SAP18: variants seen among roughly 807,000 people sequenced by gnomAD.
The protein encoded by SAP18 is Sin3A associated protein 18.
Under a neutral mutation model 18.6 loss-of-function variants are expected in SAP18, and 4 were observed. The observed-to-expected ratio is 0.21, with a 90% CI of 0.11 to 0.49. SAP18 has a LOEUF of 0.49. Ranked by LOEUF, SAP18 falls within the 20% of genes least tolerant of loss-of-function variation. The pLI is 0.98. For missense variants in SAP18, 170 were observed against 226.4 expected (o/e 0.75, Z 1.60); for synonymous variants, 112 against 82.8 (o/e 1.35, Z -1.92).
chr13:21,140,690 C>T lies in SAP18; in HGVS notation c.129+9C>T, dbSNP rs775250865. ...CGATCGACCGCGAGAAGGTGAAGGC[C>T]CCCTCCGCTTTGGGGTCCGGGAAGA... On this transcript the variant is annotated intron_variant, in intron 1 of 3. Transcript: ENST00000621421. 3.1e-6 allele frequency: 5 copies of T among 1,609,300 alleles called. No individual in the cohort carries two copies. Among genetic ancestry groups the T allele is most frequent in the Non-Finnish European group, 8.5e-7 (1 of 1,177,442 alleles).
In SAP18 at chr13:21,141,011, T is replaced by A; in HGVS notation, c.239+16T>A. ...TCTACACTTGGTGAGGAGGGCGGGG[T>A]GGCCTCAGGGACCCGGGCCGGGAAC... On this transcript the variant is annotated intron_variant, in intron 2 of 3. Transcript: ENST00000621421. 6.4e-7 allele frequency: 1 copy of A among 1,551,702 alleles called. No homozygotes were observed. The highest frequency in any genetic ancestry group is 8.9e-7 in the Non-Finnish European group (1 of 1,124,012).
intron 2 of SAP18, among the ~76,000 whole-genome samples, chr13:21,145,553 C>G (rs151172458): frequency 1.3e-5 from 2 of 152,130 alleles, no homozygotes; most frequent in Admixed American, 6.5e-5. Flanking sequence ...GTCACCCAGG[C>G]TGGAGCACAG....
intron 3 of SAP18, 54 bp from the exon 4 acceptor site, chr13:21,147,132 C>T (rs748383376): frequency 6.4e-6 from 10 of 1,554,336 alleles, no homozygotes; most frequent in East Asian, 2.2e-5. Flanking sequence ...CTTTGTAGTA[C>T]ATACTGGGTT....
intron 2 of SAP18, 115 bp downstream of exon 2, chr13:21,141,110 G>A: frequency 1.4e-6 from 1 of 720,980 alleles, no homozygotes; most frequent in Non-Finnish European, 2.4e-6. Flanking sequence ...CTCCACTTGG[G>A]GCCTTCGGAC....
rs542068070 is a variant in SAP18, at chr13:21,147,394, A to G, written c.*52A>G. The stretch of plus-strand genomic sequence containing the variant: ...TTTTTCCGTCAGTTATGTAAAATAA[A>G]CATACTCTTCTTCCTCCCCTGATTA... On this transcript the variant is annotated 3_prime_UTR_variant, in exon 4 of 4. Coordinates refer to ENST00000621421, the Ensembl canonical transcript of SAP18. 20 of 1,485,318 alleles carry G rather than the reference A, an allele frequency of 1.3e-5. No individual in the cohort carries two copies. The South Asian group carries it at 2.1e-4, about 15-fold the overall frequency. 92.0% of individuals were successfully genotyped at this position (1,485,318 alleles called of 1,614,324 possible).
chr13:21,146,106 G>T (rs1475926442), intron 2 of SAP18, among the ~76,000 whole-genome samples: 1 of 152,138 alleles, frequency 6.6e-6, no homozygotes. Flanking sequence ...CAGCACTTTG[G>T]GAGGCCAAGA....
At chr13:21,140,546 A>G (rs1294089334) in exon 1 of SAP18, 2 of 1,581,636 alleles carry the variant, frequency 1.3e-6, no homozygotes, top group Non-Finnish European at 1.7e-6. Flanking sequence ...CGAGAGACTT[A>G]GTGCTCATGC....
At chr13:21,141,641 G>T (rs1869466527) in intron 2 of SAP18, 1 of 153,322 alleles carries the variant, frequency 6.5e-6, no homozygotes, top group Non-Finnish European at 1.5e-5. Context: ...AGTAAAAGGT[G>T]TGTAATTGAA....
At chr13:21,141,068 T>A in intron 2 of SAP18, 73 bp downstream of exon 2, 1 of 947,796 alleles carries the variant, frequency 1.1e-6, no homozygotes, top group Non-Finnish European at 1.7e-6. Flanking sequence ...TTTGCCAGTG[T>A]AGAGTTATTC....
At chr13:21,149,068 G>C (rs1040143460) in exon 4 of SAP18, 4 of 151,952 alleles carry the variant, frequency 2.6e-5, no homozygotes, top group Non-Finnish European at 5.9e-5. Context: ...AAATAAATAA[G>C]TAGTCATCAT....
chr13:21,144,405 C>CAAA (rs36115551), intron 2 of SAP18, among the ~76,000 whole-genome samples: 3 of 64,632 alleles, frequency 4.6e-5, no homozygotes, highest in Non-Finnish European at 8.0e-5. Context: ...GACTCCATCT[C>CAAA]AAAAAAAAAA....
At chr13:21,140,398 G>A, upstream of SAP18, 1 of 743,994 alleles carries the variant, frequency 1.3e-6, no homozygotes, top group Non-Finnish European at 2.1e-6. Flanking sequence ...CCTCCCCGCG[G>A]ACGTCAGCAC....
At chr13:21,142,090 C>G (rs1869489292) in intron 2 of SAP18, among the ~76,000 whole-genome samples, 1 of 150,228 alleles carries the variant, frequency 6.7e-6, no homozygotes, top group African/African-American at 2.4e-5. Context: ...AGTTCGAGAC[C>G]AGTCTGGCCA....
chr13:21,147,222 G>A, exon 4 of SAP18: 1 of 1,613,968 alleles, frequency 6.2e-7, no homozygotes, highest in South Asian at 1.1e-5. Context: ...CTGGCAGAAA[G>A]GGGACTGATG....
exon 4 of SAP18, chr13:21,147,861 G>GGT: frequency 6.5e-6 from 1 of 152,822 alleles, no homozygotes; most frequent in South Asian, 2.1e-4. Context: ...CCTTGATCAG[G>GGT]GTACCATGAC....
In SAP18 at chr13:21,147,355, A is replaced by G. The variant is rs559646955; in HGVS notation, c.*13A>G. The G allele has an allele frequency of 2.9e-5, 46 of 1,590,406 alleles. No homozygotes were observed. In the South Asian group the frequency reaches 5.0e-4, roughly 17 times the overall value. ...GAGACCATATTAAATTCTATTTACTATTTGTTGAATTTATTTTTCCGTCAG... is the reference window on the plus strand; with the variant it reads ...GAGACCATATTAAATTCTATTTACTGTTTGTTGAATTTATTTTTCCGTCAG... On this transcript the variant is annotated 3_prime_UTR_variant, in exon 4 of 4. Transcript: ENST00000621421.
chr13:21,146,098 G>A (rs1869641356), intron 2 of SAP18, among the ~76,000 whole-genome samples: 1 of 152,190 alleles, frequency 6.6e-6, no homozygotes, highest in African/African-American at 2.4e-5. Context: ...ATCAATCCCA[G>A]CACTTTGGGA....
exon 4 of SAP18, chr13:21,147,967 C>G (rs1316635923): frequency 1.3e-5 from 2 of 152,190 alleles, no homozygotes; most frequent in Admixed American, 1.3e-4. Flanking sequence ...TCAGAGGAAA[C>G]AAGGGTTTGG....
chr13:21,144,425 AAAAAAAG>A (rs1453804599), intron 2 of SAP18, among the ~76,000 whole-genome samples: 3 of 151,494 alleles, frequency 2.0e-5, no homozygotes, highest in African/African-American at 4.8e-5. Context: ...AAAAAAAAAA[AAAAAAAG>A]CTTTATTGCA....
Sources: gnomAD v4.1 joint callset for allele counts (sites outside exome capture counted in the v4.1 genomes callset) on GRCh38, gnomAD v4.1.1 for gene constraint, MANE v1.5 for transcripts, NCBI Gene and HGNC (gene_info 2026-07-23, HGNC 2026-07-21) for gene names.